The following ANK3 variants were observed in gnomAD, a reference collection of about 807,000 sequenced individuals.
ANK3 encodes the protein ankyrin 3.
Under a neutral mutation model 370.9 loss-of-function variants are expected in ANK3, and 57 were observed. The observed-to-expected ratio is 0.15, with a 90% CI of 0.12 to 0.19. The LOEUF is 0.19. Ranked by LOEUF, ANK3 falls within the 10% of genes least tolerant of loss-of-function variation. The probability of loss-of-function intolerance (pLI) is 1.00; values close to 1 mark genes in which losing one functional copy is unlikely to be tolerated. For missense variants in ANK3, 4,439 were observed against 5,302.1 expected (o/e 0.84, Z 5.06); for synonymous variants, 1,929 against 1,946.3 (o/e 0.99, Z 0.23).
chr10:60,136,069 A>G (rs1230613589), intron 24 of ANK3, among the ~76,000 whole-genome samples: 7 of 151,896 alleles, frequency 4.6e-5, no homozygotes, highest in Admixed American at 2.6e-4. Context: ...CTCTGTGCCC[A>G]ATCATGGGAC....
chr10:60,097,168 G>C (rs981403731), intron 28 of ANK3, among the ~76,000 whole-genome samples: 6 of 152,172 alleles, frequency 3.9e-5, no homozygotes, highest in African/African-American at 1.4e-4. Context: ...GTTCAGAGAG[G>C]TGAAGTGACT....
intron 4 of ANK3, among the ~76,000 whole-genome samples, chr10:60,275,489 C>A (rs192773781): frequency 2.0e-5 from 3 of 152,202 alleles, no homozygotes; most frequent in Non-Finnish European, 4.4e-5. Context: ...TCATAAAGTG[C>A]TGTTTTTAAC....
chr10:60,200,456 G>T (rs1245683704), intron 12 of ANK3, among the ~76,000 whole-genome samples: 5 of 152,172 alleles, frequency 3.3e-5, no homozygotes, highest in African/African-American at 1.2e-4. Context: ...TGTGCCAGGG[G>T]TGCTGCTCAG....
chr10:60,672,746 A>G (rs2079077691), intron 1 of ANK3, among the ~76,000 whole-genome samples: 1 of 152,238 alleles, frequency 6.6e-6, no homozygotes, highest in South Asian at 2.1e-4. Flanking sequence ...CAACCAGTTG[A>G]TCAGAAGCAT....
rs750384975 is a variant in ANK3, at chr10:60,583,511, G to GTTTTTTTTTTTTTTTTTT, written c.96+31674_96+31675insAAAAAAAAAAAAAAAAAA. Among the ~76,000 whole-genome samples, 5 of 100,078 alleles carry GTTTTTTTTTTTTTTTTTT rather than the reference G, an allele frequency of 5.0e-5. 2 individuals carry two copies. The highest frequency in any genetic ancestry group is 4.4e-5 in the Non-Finnish European group (2 of 45,924). The allele number at this position is 100,078 out of a possible 152,430, so 65.7% of individuals were successfully genotyped here. A position where few individuals can be genotyped will look rare whatever the true frequency, so the allele number is the denominator to read the frequency against. Reference sequence around the variant, plus strand: ...CATATAGCTTACAGAGAGGTTTTTTGTTTTTTGTTTTTTGTTTTTTTTTGA... The same window carrying GTTTTTTTTTTTTTTTTTT: ...CATATAGCTTACAGAGAGGTTTTTTGTTTTTTTTTTTTTTTTTTTTTTTTGTTTTTTGTTTTTTTTTGA... On this transcript the variant is annotated intron_variant, in intron 2 of 43. Transcript: ENST00000373827.
intron 1 of ANK3, among the ~76,000 whole-genome samples, chr10:60,635,107 C>T (rs907524610): frequency 6.6e-6 from 1 of 152,162 alleles, no homozygotes; most frequent in African/African-American, 2.4e-5. Context: ...GGAGCTCACG[C>T]ATTTCTAAAA....
chr10:60,328,623 G>A (rs1267514838), intron 1 of ANK3, among the ~76,000 whole-genome samples: 1 of 152,114 alleles, frequency 6.6e-6, no homozygotes, highest in Non-Finnish European at 1.5e-5. Flanking sequence ...CCAATAACAA[G>A]TTCTGAAATT....
intron 21 of ANK3, 96 bp downstream of exon 21, chr10:60,172,212 T>G: frequency 1.1e-6 from 1 of 946,474 alleles, no homozygotes; most frequent in East Asian, 2.4e-5. Flanking sequence ...TGGTGCTTAG[T>G]TTATGAATGG....
intron 1 of ANK3, among the ~76,000 whole-genome samples, chr10:60,303,825 C>A (rs990740767): frequency 2.6e-5 from 4 of 152,034 alleles, no homozygotes; most frequent in South Asian, 2.1e-4. Context: ...AGCCAAGACA[C>A]AGAAAAGAAC....
chr10:60,224,234 T>C (rs1447131675), intron 8 of ANK3, among the ~76,000 whole-genome samples: 3 of 152,134 alleles, frequency 2.0e-5, no homozygotes, highest in Non-Finnish European at 4.4e-5. Flanking sequence ...ATGGGGTTAG[T>C]AATATTTTCC....
At chr10:60,722,542 T>C (rs2079878597) in intron 1 of ANK3, among the ~76,000 whole-genome samples, 1 of 152,224 alleles carries the variant, frequency 6.6e-6, no homozygotes, top group Non-Finnish European at 1.5e-5. Flanking sequence ...TTTTAAAGTG[T>C]TCACTTATCA....
At chr10:60,431,429 ATGAAGTTTTG>A (rs1429338269) in intron 2 of ANK3, among the ~76,000 whole-genome samples, 2 of 152,156 alleles carry the variant, frequency 1.3e-5, no homozygotes, top group Non-Finnish European at 2.9e-5. Context: ...GTAAATACAG[ATGAAGTTTTG>A]CTCTCTGGAC....
At chr10:60,582,786 CT>C (rs2077773371) in intron 2 of ANK3, among the ~76,000 whole-genome samples, 1 of 151,988 alleles carries the variant, frequency 6.6e-6, no homozygotes, top group African/African-American at 2.4e-5. Context: ...CTGTTGACTG[CT>C]TCCCTCACTG....
chr10:60,073,423 G>T lies in ANK3; in HGVS notation c.7458C>A (p.Asp2486Glu), dbSNP rs780117428. Residue 2486 changes from aspartate (D) to glutamate (E), a missense_variant, in exon 37 of 44, where the codon GAC becomes GAA. Asp to Glu is a conservative substitution (Grantham distance 45). This residue lies in a region of ANK3 where 1,601 missense variants were observed against 1,731.7 expected (regional missense o/e 0.92). Transcript: ENST00000280772. ...SHSDTEESVT[D>E]HAGPPSSELQ... ...ACTCTGAGCTAGGGGGTCCTGCATG[G>T]TCTGTAACCGATTCCTCAGTATCAG... 8 of 1,613,750 alleles carry T rather than the reference G, an allele frequency of 5.0e-6. No homozygotes were observed. The highest frequency in any genetic ancestry group is 6.8e-6 in the Non-Finnish European group (8 of 1,179,982).
intron 2 of ANK3, among the ~76,000 whole-genome samples, chr10:60,530,197 G>C (rs2076572328): frequency 6.6e-6 from 1 of 152,086 alleles, no homozygotes; most frequent in East Asian, 1.9e-4. Context: ...GGAGATGTTG[G>C]GATCTTCCTA....
At position 60,197,064 on chromosome 10, in the gene ANK3, CTG is replaced by C. The variant is rs2096598060; in HGVS notation, c.1690-441_1690-440del. On this transcript the variant is annotated intron_variant, in intron 14 of 43. Coordinates refer to ENST00000280772, the MANE Select transcript of ANK3 (RefSeq NM_020987.5). ...GGGCTTGGGAAAATCCAGGGCAAGT[CTG>C]AACCTCTCACAATCTCACATCACCA... 5.3e-5 allele frequency among the ~76,000 whole-genome samples: 8 copies of C among 152,262 alleles called. No individual in the cohort carries two copies. The South Asian group carries it at 1.7e-3, about 32-fold the overall frequency.
At chr10:60,677,855 C>T (rs1387896703) in intron 1 of ANK3, among the ~76,000 whole-genome samples, 2 of 151,942 alleles carry the variant, frequency 1.3e-5, no homozygotes, top group Non-Finnish European at 2.9e-5. Context: ...CTAGCTTTTC[C>T]TTACATGATA....
At chr10:60,369,291 T>A (rs1241604249) in intron 1 of ANK3, among the ~76,000 whole-genome samples, 1 of 152,204 alleles carries the variant, frequency 6.6e-6, no homozygotes, top group East Asian at 1.9e-4. Context: ...ACTAGGACAT[T>A]ACCATAAACA....
At chr10:60,373,205 T>C (rs2060333445) in intron 1 of ANK3, among the ~76,000 whole-genome samples, 1 of 152,244 alleles carries the variant, frequency 6.6e-6, no homozygotes, top group African/African-American at 2.4e-5. Context: ...GTAGTAATGT[T>C]CTTTATGTCT....
Sources: allele counts gnomAD v4.1 joint callset (sites outside exome capture counted in the v4.1 genomes callset), GRCh38; gene constraint gnomAD v4.1.1; regional missense constraint gnomAD v4.1.1; transcripts MANE v1.5; gene names NCBI Gene and HGNC (gene_info 2026-07-23, HGNC 2026-07-21).